The following ANK1 variants were observed in gnomAD, a reference collection of about 807,000 sequenced individuals.
ANK1 encodes ankyrin 1, also known as ankyrin-1.
Under a neutral mutation model 210.4 loss-of-function variants are expected in ANK1, and 51 were observed. That is an observed-to-expected ratio of 0.24 (90% CI 0.19 to 0.31). ANK1 has a LOEUF of 0.31. Ranked by LOEUF, ANK1 falls within the 10% of genes least tolerant of loss-of-function variation. The probability of loss-of-function intolerance (pLI) is 1.00; values close to 1 mark genes in which losing one functional copy is unlikely to be tolerated. For synonymous variants in ANK1, 967 were observed against 1,025.9 expected (o/e 0.94, Z 1.10); for missense variants, 2,051 against 2,504.4 (o/e 0.82, Z 3.86).
intron 2 of ANK1, among the ~76,000 whole-genome samples, chr8:41,743,336 G>C (rs1328192114): frequency 6.6e-6 from 1 of 152,174 alleles, no homozygotes; most frequent in African/African-American, 2.4e-5. Flanking sequence ...AGGAGCGACG[G>C]CATGATAGTT....
intron 17 of ANK1, 78 bp from the exon 18 acceptor site, chr8:41,706,319 G>C (rs1824568527): frequency 3.0e-6 from 4 of 1,346,824 alleles, no homozygotes; most frequent in Non-Finnish European, 3.1e-6. Flanking sequence ...TGAGGTCTGG[G>C]AGCTGAAGCT....
At chr8:41,662,298 G>C (rs1808645472) in intron 40 of ANK1, among the ~76,000 whole-genome samples, 2 of 151,948 alleles carry the variant, frequency 1.3e-5, no homozygotes, top group Non-Finnish European at 2.9e-5. Context: ...CCTCAAGACA[G>C]AGCTTCAGAA....
Position 41,831,922 on chromosome 8 carries a change from G to A in ANK1, c.126+64433C>T, listed in dbSNP as rs369092862. Among the ~76,000 whole-genome samples, 17 of 152,304 alleles carry A rather than the reference G, an allele frequency of 1.1e-4. No individual in the cohort carries two copies. In the East Asian group the frequency reaches 2.9e-3, roughly 26 times the overall value. On this transcript the variant is annotated intron_variant, in intron 1 of 42. Coordinates refer to the ANK1 transcript ENST00000265709. ...AAAGCATGCTGCTACACGGATGCAA[G>A]GCCTTCGGACTATATGATCCCATTT...
chr8:41,820,928 C>G (rs1168212363), intron 1 of ANK1, among the ~76,000 whole-genome samples: 1 of 152,144 alleles, frequency 6.6e-6, no homozygotes, highest in Non-Finnish European at 1.5e-5. Context: ...GTATGATGAA[C>G]AAAAGCTATC....
chr8:41,814,013 G>A (rs372194993), intron 1 of ANK1, among the ~76,000 whole-genome samples: 1 of 152,184 alleles, frequency 6.6e-6, no homozygotes. Context: ...ATTGTGTCCT[G>A]TTACAAGAAC....
At chr8:41,762,624 C>A (rs962410593) in intron 1 of ANK1, among the ~76,000 whole-genome samples, 1 of 152,178 alleles carries the variant, frequency 6.6e-6, no homozygotes, top group South Asian at 2.1e-4. Flanking sequence ...AAGCTGTTGG[C>A]TCTCCAGGCA....
intron 36 of ANK1, among the ~76,000 whole-genome samples, chr8:41,685,492 G>A (rs561051580): frequency 5.9e-5 from 9 of 152,324 alleles, no homozygotes; most frequent in Admixed American, 3.3e-4. Flanking sequence ...GGGAGAATGA[G>A]AACTGGTTCA....
At chr8:41,660,089 C>G (rs568642835) in intron 42 of ANK1, among the ~76,000 whole-genome samples, 22 of 152,290 alleles carry the variant, frequency 1.4e-4, no homozygotes, top group Non-Finnish European at 2.8e-4. Context: ...CAGGACCCAA[C>G]AGCAGCTACT....
At chr8:41,721,255 GGCAGAGGTCA>G (rs1483930488) in intron 9 of ANK1, among the ~76,000 whole-genome samples, 1 of 152,150 alleles carries the variant, frequency 6.6e-6, no homozygotes, top group Non-Finnish European at 1.5e-5. Context: ...TGAAGATGAA[GGCAGAGGTCA>G]GCATGATGCC....
intron 35 of ANK1, among the ~76,000 whole-genome samples, chr8:41,686,993 G>T (rs566956947): frequency 6.6e-6 from 1 of 152,150 alleles, no homozygotes; most frequent in African/African-American, 2.4e-5. Flanking sequence ...ACACATACAC[G>T]TGCATACACA....
intron 2 of ANK1, among the ~76,000 whole-genome samples, chr8:41,755,616 G>A (rs918371632): frequency 6.6e-6 from 1 of 152,178 alleles, no homozygotes; most frequent in Non-Finnish European, 1.5e-5. Context: ...GGGGGCTGGG[G>A]CAACACAGCT....
chr8:41,856,657 G>GT (rs1307730895), intron 1 of ANK1, among the ~76,000 whole-genome samples: 16 of 152,216 alleles, frequency 1.1e-4, no homozygotes, highest in Admixed American at 2.6e-4. Flanking sequence ...AACATTTTGA[G>GT]TGCCAACATG....
At chr8:41,717,522 A>G in intron 12 of ANK1, 82 bp downstream of exon 12, 1 of 1,257,744 alleles carries the variant, frequency 8.0e-7, no homozygotes, top group South Asian at 1.3e-5. Context: ...GTCCCCAGAG[A>G]GTAGGACTGG....
chr8:41,688,447 G>A (rs1247414818), intron 34 of ANK1, 64 bp downstream of exon 34: 1 of 1,573,832 alleles, frequency 6.4e-7, no homozygotes. Context: ...GCTGCGGGGA[G>A]ATGAGCTCAC....
At chr8:41,827,733 T>TG (rs553947065) in intron 1 of ANK1, among the ~76,000 whole-genome samples, 2 of 74,996 alleles carry the variant, frequency 2.7e-5, no homozygotes, top group Non-Finnish European at 5.1e-5. Flanking sequence ...CTCACACACA[T>TG]CCACACACGC....
chr8:41,767,741 G>T (rs1042600547), intron 1 of ANK1, among the ~76,000 whole-genome samples: 2 of 152,090 alleles, frequency 1.3e-5, no homozygotes, highest in Non-Finnish European at 2.9e-5. Context: ...CTGCCCCTGC[G>T]GAGGGGAGGC....
At chr8:41,705,850 T>C (rs556279726) in intron 18 of ANK1, among the ~76,000 whole-genome samples, 26 of 151,614 alleles carry the variant, frequency 1.7e-4, no homozygotes, top group Admixed American at 1.6e-3. Context: ...CTGGGGAAAC[T>C]TGACATTTTG....
intron 16 of ANK1, among the ~76,000 whole-genome samples, chr8:41,713,634 A>T (rs928213950): frequency 6.6e-6 from 1 of 152,226 alleles, no homozygotes; most frequent in Non-Finnish European, 1.5e-5. Flanking sequence ...CATTTTAAAG[A>T]GGTCTCTTGT....
intron 2 of ANK1, among the ~76,000 whole-genome samples, chr8:41,749,195 T>C (rs900304180): frequency 6.6e-6 from 1 of 152,190 alleles, no homozygotes; most frequent in African/African-American, 2.4e-5. Flanking sequence ...AATTTATTCA[T>C]TTTGGTTAGC....
Sources: gnomAD v4.1 joint callset for allele counts (sites outside exome capture counted in the v4.1 genomes callset) on GRCh38, gnomAD v4.1.1 for gene constraint, MANE v1.5 for transcripts, NCBI Gene and HGNC (gene_info 2026-07-23, HGNC 2026-07-21) for gene names.